ZDHHC15: variants seen among roughly 807,000 people sequenced by gnomAD.
ZDHHC15 encodes zDHHC palmitoyltransferase 15.
In ZDHHC15, 19 loss-of-function variants were observed where a neutral mutation model predicts 31.7. That is an observed-to-expected ratio of 0.60 (90% CI 0.42 to 0.88). ZDHHC15 has a LOEUF of 0.88. ZDHHC15 is among the 40% of genes least tolerant of loss of function. ZDHHC15 has a pLI of 0.00. For missense variants in ZDHHC15, 209 were observed against 251.2 expected (o/e 0.83, Z 1.14); for synonymous variants, 103 against 90.0 (o/e 1.14, Z -0.82).
chrX:75,397,566 CAT>C (rs1407504474), intron 10 of ZDHHC15, among the ~76,000 whole-genome samples: 2 of 110,225 alleles, frequency 1.8e-5, no homozygotes, highest in East Asian at 5.7e-4. Context: ...TTTTAAAAGG[CAT>C]AGAGTGGCTG....
chrX:75,428,917 G>A (rs1222338352), intron 7 of ZDHHC15, among the ~76,000 whole-genome samples, 161 bp downstream of exon 7: 1 of 111,638 alleles, frequency 9.0e-6, no homozygotes, highest in African/African-American at 3.2e-5. Context: ...CGAAATCTCA[G>A]AGTATTCAAT....
intron 10 of ZDHHC15, among the ~76,000 whole-genome samples, chrX:75,408,432 G>T (rs897671722): frequency 9.0e-6 from 1 of 110,543 alleles, no homozygotes; most frequent in African/African-American, 3.3e-5. Context: ...TAACAAACTG[G>T]GTATAAAAGG....
chrX:75,482,131 G>A (rs193007878), intron 2 of ZDHHC15, among the ~76,000 whole-genome samples: 1 of 110,663 alleles, frequency 9.0e-6, no homozygotes, highest in African/African-American at 3.3e-5. Context: ...TACTGTGTTG[G>A]GGGGTGGGGA....
At chrX:75,482,420 T>C (rs1286431934) in intron 2 of ZDHHC15, among the ~76,000 whole-genome samples, 1 of 112,018 alleles carries the variant, frequency 8.9e-6, no homozygotes, top group East Asian at 2.8e-4. Context: ...CTGGTGCTAA[T>C]ACATGATATT....
intron 10 of ZDHHC15, among the ~76,000 whole-genome samples, chrX:75,409,613 G>A (rs1415217444): frequency 1.1e-4 from 12 of 105,203 alleles, no homozygotes; most frequent in South Asian, 4.4e-4. Flanking sequence ...TGGCTAACAC[G>A]GTGAAACCCC....
At chrX:75,509,115 G>A (rs1028507643) in intron 1 of ZDHHC15, among the ~76,000 whole-genome samples, 1 of 111,040 alleles carries the variant, frequency 9.0e-6, no homozygotes, top group African/African-American at 3.3e-5. Context: ...CATGGGCAAG[G>A]ACTTCATGTC....
At chrX:75,455,419 A>T (rs1381406792) in intron 3 of ZDHHC15, among the ~76,000 whole-genome samples, 1 of 111,998 alleles carries the variant, frequency 8.9e-6, no homozygotes, top group African/African-American at 3.2e-5. Flanking sequence ...AAAACCCTAG[A>T]AGAAAACCTA....
intron 10 of ZDHHC15, among the ~76,000 whole-genome samples, chrX:75,380,664 T>TA (rs898144200): frequency 3.6e-5 from 4 of 110,683 alleles, no homozygotes; most frequent in Middle Eastern, 4.6e-3. Flanking sequence ...GGAAGATACC[T>TA]AAAAAAAATC....
chrX:75,494,519 C>G (rs1293269097), intron 2 of ZDHHC15, among the ~76,000 whole-genome samples: 1 of 111,713 alleles, frequency 9.0e-6, no homozygotes, highest in Non-Finnish European at 1.9e-5. Context: ...ATCATGCTAC[C>G]TGACTTCAAA....
chrX:75,433,679 GTGTGTGTGTGTGTGTGTGTATATA>G (rs1385326935), intron 4 of ZDHHC15, among the ~76,000 whole-genome samples: 2 of 84,328 alleles, frequency 2.4e-5, no homozygotes, highest in Non-Finnish European at 4.3e-5. Context: ...GTGTGTGTGT[GTGTGTGTGTGTGTGTGTGTATATA>G]TATATATATA....
intron 4 of ZDHHC15, among the ~76,000 whole-genome samples, chrX:75,443,995 T>C (rs773807021): frequency 3.6e-5 from 4 of 109,863 alleles, no homozygotes; most frequent in Non-Finnish European, 5.7e-5. Context: ...TGTGGAGAAA[T>C]AGGAACACTT....
intron 1 of ZDHHC15, among the ~76,000 whole-genome samples, chrX:75,507,320 A>G (rs758232033): frequency 2.0e-3 from 224 of 110,826 alleles, no homozygotes; most frequent in Non-Finnish European, 3.6e-3. Context: ...TAAAGTCTTT[A>G]TTACCTCTGA....
intron 11 of ZDHHC15, among the ~76,000 whole-genome samples, chrX:75,374,492 A>C (rs1049903773): frequency 3.6e-5 from 4 of 110,470 alleles, no homozygotes; most frequent in Admixed American, 9.8e-5. Flanking sequence ...CATTAAAAAA[A>C]AAATTCTATG....
At chrX:75,388,585 T>A (rs2083205336) in intron 10 of ZDHHC15, among the ~76,000 whole-genome samples, 1 of 111,238 alleles carries the variant, frequency 9.0e-6, no homozygotes, top group Admixed American at 9.6e-5. Flanking sequence ...AAACCTGTAA[T>A]AGATTCACTA....
chrX:75,450,975 A>T, intron 3 of ZDHHC15, 53 bp from the exon 4 acceptor site: 1 of 1,154,062 alleles, frequency 8.7e-7, no homozygotes, highest in Non-Finnish European at 1.2e-6. Flanking sequence ...AATAGAAAAG[A>T]TTAAAACCAA....
chrX:75,383,735 GTT>G (rs34663369), intron 10 of ZDHHC15, among the ~76,000 whole-genome samples: 1 of 86,624 alleles, frequency 1.2e-5, no homozygotes, highest in Non-Finnish European at 2.1e-5. Flanking sequence ...GAAATGTTAG[GTT>G]TTTTTTTTTT....
intron 1 of ZDHHC15, among the ~76,000 whole-genome samples, chrX:75,510,476 G>GTTTTT (rs373085476): frequency 1.9e-5 from 1 of 52,979 alleles, no homozygotes; most frequent in African/African-American, 7.9e-5. Context: ...TGTTTCTTCT[G>GTTTTT]TTTTTTTTTT....
intron 4 of ZDHHC15, among the ~76,000 whole-genome samples, chrX:75,444,113 A>G (rs1468539779): frequency 9.0e-6 from 1 of 111,474 alleles, no homozygotes; most frequent in Non-Finnish European, 1.9e-5. Flanking sequence ...CCATCCCATT[A>G]CTGGGTATAT....
intron 2 of ZDHHC15, among the ~76,000 whole-genome samples, chrX:75,487,002 G>T (rs2084788839): frequency 9.0e-6 from 1 of 111,435 alleles, no homozygotes; most frequent in African/African-American, 3.3e-5. Flanking sequence ...CCAATGTAGG[G>T]CAAGATTACA....
Sources: allele counts gnomAD v4.1 joint callset (sites outside exome capture counted in the v4.1 genomes callset), GRCh38; gene constraint gnomAD v4.1.1; transcripts MANE v1.5; gene names NCBI Gene and HGNC (gene_info 2026-07-23, HGNC 2026-07-21).